The following STRADB variants were observed in gnomAD, a reference collection of about 807,000 sequenced individuals.
The protein encoded by STRADB is STE20 related adaptor beta, also known as STE20-related kinase adapter protein beta.
In STRADB, 34 loss-of-function variants were observed where a neutral mutation model predicts 52.1. The observed-to-expected ratio is 0.65, with a 90% CI of 0.50 to 0.87. STRADB has a LOEUF of 0.87. Ranked by LOEUF, STRADB falls within the 40% of genes least tolerant of loss-of-function variation. The pLI, the probability that STRADB is intolerant of heterozygous loss-of-function variation, is 0.00. For synonymous variants in STRADB, 133 were observed against 174.5 expected (o/e 0.76, Z 1.87); for missense variants, 340 against 483.9 (o/e 0.70, Z 2.79).
rs775113809 is a variant in STRADB, at chr2:201,478,357, A to G, written c.826A>G (p.Met276Val). The change falls in exon 10 of 12, where the codon ATG becomes GTG. Residue 276 changes from methionine to valine, a missense_variant and splice_region_variant. By Grantham distance (21) the Met-to-Val change is conservative. Coordinates refer to ENST00000194530, the MANE Select transcript of STRADB (RefSeq NM_018571.6). ...TGAAGGAAAGTTCTGTTTCTTTTAGATGCTGTTACAGAAACTGAAAGGTCC... is the reference window on the plus strand; with the variant it reads ...TGAAGGAAAGTTCTGTTTCTTTTAGGTGCTGTTACAGAAACTGAAAGGTCC... Reference protein sequence around the residue: ...VPFQDMHRTQMLLQKLKGPPY... With the variant: ...VPFQDMHRTQVLLQKLKGPPY... 40 of 1,612,566 alleles carry G rather than the reference A, an allele frequency of 2.5e-5. No homozygotes were observed. The Admixed American group carries it at 6.0e-4, about 24-fold the overall frequency.
At chr2:201,458,356 A>AAT (rs1220340502) in intron 2 of STRADB, among the ~76,000 whole-genome samples, 1 of 152,242 alleles carries the variant, frequency 6.6e-6, no homozygotes, top group Non-Finnish European at 1.5e-5. Context: ...GCTTAATGTG[A>AAT]ATAAACATGG....
In STRADB at chr2:201,478,366, C is replaced by T. The variant is rs139316950; in HGVS notation, c.835C>T (p.Gln279Ter). ...GTTCTGTTTCTTTTAGATGCTGTTA[C>T]AGAAACTGAAAGGTCCTCCTTATAG... is the stretch of plus-strand genomic sequence containing the variant. ...QDMHRTQMLLQKLKGPPYSPL... is the reference protein window; with the variant it reads ...QDMHRTQMLL Residue 279 changes from glutamine (Q) to a stop codon, truncating the protein, a stop_gained, in exon 10 of 12, where the codon CAG becomes TAG. Coordinates refer to ENST00000194530, the MANE Select transcript of STRADB (RefSeq NM_018571.6). LOFTEE classifies it high-confidence loss of function. The T allele has an allele frequency of 5.6e-6, 9 of 1,613,074 alleles. No individual in the cohort carries two copies. The highest frequency in any genetic ancestry group is 1.1e-5 in the South Asian group (1 of 90,774).
chr2:201,457,274 C>CAATAAATAAAAATAAA (rs1952142404), intron 2 of STRADB: 1 of 151,974 alleles, frequency 6.6e-6, no homozygotes. Context: ...ATATAAATAC[C>CAATAAATAAAAATAAA]AAACAATATA....
At chr2:201,460,314 A>T (rs956234704) in intron 3 of STRADB, among the ~76,000 whole-genome samples, 5 of 152,174 alleles carry the variant, frequency 3.3e-5, no homozygotes, top group African/African-American at 1.2e-4. Context: ...CAGACATATG[A>T]TATGTAATAA....
At chr2:201,473,215 G>A in intron 5 of STRADB, 139 bp downstream of exon 5, 1 of 747,966 alleles carries the variant, frequency 1.3e-6, no homozygotes, top group Non-Finnish European at 1.9e-6. Context: ...ATAAAACACA[G>A]CATAACTATT....
At position 201,472,998 on chromosome 2, in the gene STRADB, T is replaced by C; in HGVS notation, c.237T>C (p.His79=). Residue 79 remains histidine (H), a synonymous_variant, in exon 5 of 12, where the codon CAT becomes CAC. Coordinates refer to ENST00000194530, the MANE Select transcript of STRADB (RefSeq NM_018571.6). ...DNLTSVHLAR[H]TPTGTLVTIK... ...TGACTTCTGTCCATCTTGCACGGCATACTCCCACAGGAACACTGGTAACTA... is the reference window on the plus strand; with the variant it reads ...TGACTTCTGTCCATCTTGCACGGCACACTCCCACAGGAACACTGGTAACTA... The C allele has an allele frequency of 6.2e-7, 1 of 1,612,932 alleles. No individual in the cohort carries two copies. Among genetic ancestry groups the C allele is most frequent in the Non-Finnish European group, 8.5e-7 (1 of 1,179,604 alleles).
intron 3 of STRADB, among the ~76,000 whole-genome samples, chr2:201,468,405 A>G (rs1191412213): frequency 2.6e-5 from 4 of 152,124 alleles, no homozygotes; most frequent in Non-Finnish European, 4.4e-5. Context: ...AACAGCATCA[A>G]GCTTGCCCCT....
At chr2:201,462,848 C>T (rs890256337) in intron 3 of STRADB, among the ~76,000 whole-genome samples, 2 of 152,142 alleles carry the variant, frequency 1.3e-5, no homozygotes, top group Non-Finnish European at 2.9e-5. Flanking sequence ...CTGTTTTTAT[C>T]TGTGTATTTA....
intron 11 of STRADB, 121 bp from the exon 12 acceptor site, chr2:201,479,911 G>A (rs1952543234): frequency 8.0e-7 from 1 of 1,246,414 alleles, no homozygotes; most frequent in Non-Finnish European, 1.1e-6. Flanking sequence ...AGTTTTAGGG[G>A]AAATACCTGA....
In STRADB at chr2:201,480,110, G is replaced by A; in HGVS notation, c.1192G>A (p.Val398Met). 6.2e-7 allele frequency: 1 copy of A among 1,613,816 alleles called. No homozygotes were observed. Among genetic ancestry groups the A allele is most frequent in the South Asian group, 1.1e-5 (1 of 91,076 alleles). ...CAAGCCATCAATATCATTGCCTCCA[G>A]TGTTACCTTGGACTGAGCCAGAATG... The part of the protein sequence containing the change: ...YNKPSISLPP[V>M]LPWTEPECDF... Residue 398 changes from valine (V) to methionine (M), a missense_variant, in exon 12 of 12, where the codon GTG (valine) becomes ATG (methionine). Physicochemically the swap from Val to Met is conservative, Grantham distance 21 (BLOSUM62 1). Coordinates refer to ENST00000194530, the MANE Select transcript of STRADB (RefSeq NM_018571.6).
chr2:201,473,313 A>G (rs1305775218), intron 5 of STRADB, among the ~76,000 whole-genome samples: 1 of 152,234 alleles, frequency 6.6e-6, no homozygotes, highest in African/African-American at 2.4e-5. Flanking sequence ...TTATATGCGA[A>G]TATTATGCCA....
intron 3 of STRADB, among the ~76,000 whole-genome samples, chr2:201,468,910 AAAAG>A (rs1952347391): frequency 6.6e-6 from 1 of 152,262 alleles, no homozygotes; most frequent in Non-Finnish European, 1.5e-5. Flanking sequence ...GAGGCAGAAA[AAAAG>A]AGAAACTAAA....
chr2:201,461,739 C>A (rs969322984), intron 3 of STRADB, among the ~76,000 whole-genome samples: 3 of 152,078 alleles, frequency 2.0e-5, no homozygotes, highest in African/African-American at 7.2e-5. Context: ...TGGGGTATAA[C>A]TCAATTAATC....
At chr2:201,464,386 G>T (rs1559464356) in intron 3 of STRADB, among the ~76,000 whole-genome samples, 1 of 152,054 alleles carries the variant, frequency 6.6e-6, no homozygotes, top group Non-Finnish European at 1.5e-5. Context: ...AGGTCTGAGA[G>T]AATTACCTGG....
chr2:201,468,089 T>TCTTTC (rs71022369), intron 3 of STRADB, among the ~76,000 whole-genome samples: 1 of 93,698 alleles, frequency 1.1e-5, no homozygotes, highest in Non-Finnish European at 2.1e-5. Context: ...TTTTTTCTTT[T>TCTTTC]TTTTTTTTTT....
At position 201,454,424 on chromosome 2, in the gene STRADB, G is replaced by A. The variant is rs557921854; in HGVS notation, c.-95-322G>A. 2.7e-3 allele frequency among the ~76,000 whole-genome samples: 405 copies of A among 152,228 alleles called. 4 individuals are homozygous for A. The highest frequency in any genetic ancestry group is 8.8e-3 in the African/African-American group (367 of 41,550). On this transcript the variant is annotated intron_variant, in intron 1 of 11. Transcript: ENST00000194530. ...TACATTGCTTTCAAATTTGCTCAGC[G>A]TTCTTTAAAAAACAAACAAAAAACA...
rs1257953667 is a variant in STRADB, at chr2:201,478,595, A to C, written c.1064A>C (p.Glu355Ala). The C allele has an allele frequency of 1.9e-6, 3 of 1,613,930 alleles. No homozygotes were observed. Among genetic ancestry groups the C allele is most frequent in the Non-Finnish European group, 2.5e-6 (3 of 1,179,962 alleles). The change falls in exon 10 of 12, where the codon GAG (glutamate) becomes GCG (alanine). Residue 355 changes from glutamate (E) to alanine (A), a missense_variant. Coordinates refer to ENST00000194530, the MANE Select transcript of STRADB (RefSeq NM_018571.6). ...LVQLCLQQDP[E>A]KRPSASSLLS... ...CAGCTCTGTTTGCAACAAGATCCTG[A>C]GAAAAGGTAATATTGATCTCTTTTA... is the stretch of plus-strand genomic sequence containing the variant.
intron 3 of STRADB, among the ~76,000 whole-genome samples, chr2:201,461,170 T>A (rs1242460943): frequency 6.6e-6 from 1 of 152,226 alleles, no homozygotes; most frequent in Non-Finnish European, 1.5e-5. Flanking sequence ...TTGTATGTCA[T>A]CTTTTAAAAA....
intron 3 of STRADB, among the ~76,000 whole-genome samples, chr2:201,468,085 CTTTTTTTT>C (rs536551120): frequency 1.1e-4 from 8 of 71,036 alleles, no homozygotes; most frequent in East Asian, 6.0e-4. Flanking sequence ...TTTTTTTTTT[CTTTTTTTT>C]TTTTTTTTTT....
Sources: allele counts gnomAD v4.1 joint callset (sites outside exome capture counted in the v4.1 genomes callset), GRCh38; gene constraint gnomAD v4.1.1; transcripts MANE v1.5; gene names NCBI Gene and HGNC (gene_info 2026-07-23, HGNC 2026-07-21).